MNAT1: variants seen among roughly 807,000 people sequenced by gnomAD.
MNAT1 encodes MNAT1 component of CDK activating kinase, also known as CDK-activating kinase assembly factor MAT1.
A neutral mutation model predicts 42.0 loss-of-function variants in MNAT1; 43 were observed. The observed-to-expected ratio is 1.02, with a 90% CI of 0.80 to 1.32. The LOEUF is 1.32. Ranked by LOEUF, MNAT1 falls within the 40% of genes most tolerant of loss-of-function variation. The pLI is 0.00. For synonymous variants in MNAT1, 118 were observed against 120.0 expected (o/e 0.98, Z 0.11); for missense variants, 306 against 350.4 (o/e 0.87, Z 1.01).
At chr14:60,924,894 A>C (rs952268381) in intron 7 of MNAT1, among the ~76,000 whole-genome samples, 5 of 152,360 alleles carry the variant, frequency 3.3e-5, no homozygotes, top group Admixed American at 2.0e-4. Context: ...ATGAATGGTA[A>C]ATAGTGGAAT....
chr14:60,741,731 C>T (rs537635010), intron 1 of MNAT1, among the ~76,000 whole-genome samples: 9 of 139,778 alleles, frequency 6.4e-5, no homozygotes, highest in South Asian at 4.7e-4. Context: ...TGGTCTCAAA[C>T]GCCTGAGCGC....
At chr14:60,948,614 C>G (rs1445845113) in intron 7 of MNAT1, among the ~76,000 whole-genome samples, 1 of 152,064 alleles carries the variant, frequency 6.6e-6, no homozygotes, top group African/African-American at 2.4e-5. Context: ...GTTTTCTGTA[C>G]TCGCCTGACT....
At chr14:60,754,403 A>G (rs2030241575) in intron 1 of MNAT1, among the ~76,000 whole-genome samples, 2 of 145,514 alleles carry the variant, frequency 1.4e-5, no homozygotes, top group Non-Finnish European at 3.0e-5. Context: ...GTTGGAGTGC[A>G]GTGGCACGAT....
At chr14:60,783,516 A>G (rs2031536314) in intron 1 of MNAT1, among the ~76,000 whole-genome samples, 2 of 152,238 alleles carry the variant, frequency 1.3e-5, no homozygotes, top group African/African-American at 4.8e-5. Flanking sequence ...ATGTATTATT[A>G]CCAGCAAAGC....
At chr14:60,890,199 G>C (rs921845837) in intron 7 of MNAT1, among the ~76,000 whole-genome samples, 2 of 152,168 alleles carry the variant, frequency 1.3e-5, no homozygotes, top group South Asian at 2.1e-4. Flanking sequence ...TTGGAACCAA[G>C]CCAAATGTCC....
intron 3 of MNAT1, among the ~76,000 whole-genome samples, chr14:60,805,921 T>C (rs1481671385): frequency 1.3e-5 from 2 of 152,324 alleles, no homozygotes; most frequent in Non-Finnish European, 2.9e-5. Context: ...GATTATATGA[T>C]AGAGTATGTT....
intron 1 of MNAT1, among the ~76,000 whole-genome samples, chr14:60,765,490 C>A (rs1364446894): frequency 6.6e-6 from 1 of 152,048 alleles, no homozygotes; most frequent in Non-Finnish European, 1.5e-5. Context: ...CCTGCACGTT[C>A]TGCACATGTA....
rs1373713739 is a variant in MNAT1 at position 60,858,444 on chromosome 14, T to G, written c.688-21270T>G. 5.3e-5 allele frequency among the ~76,000 whole-genome samples: 8 copies of G among 152,188 alleles called. No homozygotes were observed. In the East Asian group the frequency reaches 1.5e-3, roughly 29 times the overall value. ...GTTTTTTTTTTTTTTATAAATTTGT[T>G]TAAGTTCTTTGTAGATTCTGGATAT... On this transcript the variant is annotated intron_variant, in intron 6 of 7. Coordinates refer to ENST00000261245, the MANE Select transcript of MNAT1 (RefSeq NM_002431.4).
intron 1 of MNAT1, among the ~76,000 whole-genome samples, chr14:60,747,144 C>G (rs1378007712): frequency 6.6e-6 from 1 of 150,914 alleles, no homozygotes; most frequent in Admixed American, 6.6e-5. Flanking sequence ...GCCACCACGC[C>G]CGGCTAATTT....
intron 1 of MNAT1, among the ~76,000 whole-genome samples, chr14:60,746,612 T>C (rs942597548): frequency 3.0e-4 from 45 of 151,698 alleles, no homozygotes; most frequent in African/African-American, 1.0e-3. Flanking sequence ...AATTTTTTTT[T>C]CCCAGTATGA....
intron 7 of MNAT1, among the ~76,000 whole-genome samples, chr14:60,961,661 G>C (rs905127229): frequency 6.6e-6 from 1 of 151,970 alleles, no homozygotes; most frequent in African/African-American, 2.4e-5. Flanking sequence ...TGGATTATAC[G>C]GTCAATGAGA....
intron 6 of MNAT1, among the ~76,000 whole-genome samples, chr14:60,824,030 A>G (rs2032982363): frequency 1.4e-5 from 2 of 144,012 alleles, no homozygotes; most frequent in Non-Finnish European, 3.0e-5. Flanking sequence ...GGTGGCAGGA[A>G]CCTGTAATTC....
chr14:60,765,582 T>C (rs1416031736), intron 1 of MNAT1, among the ~76,000 whole-genome samples: 1 of 152,172 alleles, frequency 6.6e-6, no homozygotes, highest in African/African-American at 2.4e-5. Context: ...TGTCTAGTGC[T>C]GGAGAAGCTA....
intron 6 of MNAT1, among the ~76,000 whole-genome samples, chr14:60,843,000 C>T (rs1044113283): frequency 3.9e-5 from 6 of 152,072 alleles, no homozygotes; most frequent in African/African-American, 7.2e-5. Context: ...TAAGTCAAAC[C>T]GTCATAAGTC....
intron 7 of MNAT1, among the ~76,000 whole-genome samples, chr14:60,939,499 C>T (rs1220211999): frequency 1.3e-5 from 2 of 152,166 alleles, no homozygotes; most frequent in Non-Finnish European, 2.9e-5. Flanking sequence ...ACCCAGTAGT[C>T]ATTCAGGAGC....
intron 4 of MNAT1, among the ~76,000 whole-genome samples, chr14:60,811,669 A>G (rs544817925): frequency 1.4e-3 from 211 of 152,228 alleles, no homozygotes; most frequent in African/African-American, 4.8e-3. Flanking sequence ...CTTGAACCCA[A>G]TTGATCTTTA....
chr14:60,847,870 C>A (rs1258158370), intron 6 of MNAT1, among the ~76,000 whole-genome samples: 1 of 152,044 alleles, frequency 6.6e-6, no homozygotes, highest in Non-Finnish European at 1.5e-5. Context: ...CTGGAGAGTG[C>A]CATTGTCATA....
intron 3 of MNAT1, among the ~76,000 whole-genome samples, chr14:60,801,478 A>G (rs942742580): frequency 2.0e-5 from 3 of 152,230 alleles, no homozygotes; most frequent in African/African-American, 7.2e-5. Context: ...AAAATATATA[A>G]GGAAGTCAAC....
At chr14:60,776,578 G>A (rs537452334) in intron 1 of MNAT1, among the ~76,000 whole-genome samples, 1 of 152,114 alleles carries the variant, frequency 6.6e-6, no homozygotes, top group East Asian at 1.9e-4. Flanking sequence ...CCTGGGGGGG[G>A]AGGAGCAGAT....
Sources: allele counts gnomAD v4.1 joint callset (sites outside exome capture counted in the v4.1 genomes callset), GRCh38; gene constraint gnomAD v4.1.1; transcripts MANE v1.5; gene names NCBI Gene and HGNC (gene_info 2026-07-23, HGNC 2026-07-21).